The following ECT2 variants were observed in gnomAD, a reference collection of about 807,000 sequenced individuals.
The protein encoded by ECT2 is epithelial cell transforming 2.
Under a neutral mutation model 116.9 loss-of-function variants are expected in ECT2, and 61 were observed. That is an observed-to-expected ratio of 0.52 (90% CI 0.42 to 0.65). The LOEUF is 0.65. Ranked by LOEUF, ECT2 falls within the 30% of genes least tolerant of loss-of-function variation. The pLI is 0.00. For synonymous variants in ECT2, 358 were observed against 346.4 expected (o/e 1.03, Z -0.37); for missense variants, 937 against 1,078.7 (o/e 0.87, Z 1.84).
intron 6 of ECT2, 121 bp downstream of exon 6, chr3:172,759,190 G>A (rs1717713384): frequency 1.6e-5 from 10 of 634,400 alleles, no homozygotes; most frequent in Middle Eastern, 9.1e-4. Context: ...ACTTATTATG[G>A]CTATACCAGA....
chr3:172,769,314 G>C (rs1299739967), intron 13 of ECT2, among the ~76,000 whole-genome samples, 171 bp downstream of exon 13: 1 of 152,096 alleles, frequency 6.6e-6, no homozygotes, highest in Non-Finnish European at 1.5e-5. Flanking sequence ...CATAACTGTA[G>C]TATTACCTTT....
intron 18 of ECT2, among the ~76,000 whole-genome samples, chr3:172,800,053 C>T (rs1489224423): frequency 6.6e-6 from 1 of 152,120 alleles, no homozygotes; most frequent in Non-Finnish European, 1.5e-5. Flanking sequence ...TTTGTCCAGG[C>T]CTTGAGGGAC....
intron 22 of ECT2, among the ~76,000 whole-genome samples, chr3:172,808,355 C>T (rs926039272): frequency 2.7e-5 from 4 of 148,066 alleles, no homozygotes; most frequent in Non-Finnish European, 3.0e-5. Context: ...GGATTACAGG[C>T]GTGAGCCACC....
intron 14 of ECT2, among the ~76,000 whole-genome samples, chr3:172,777,012 C>T (rs925576138): frequency 6.6e-6 from 1 of 151,950 alleles, no homozygotes; most frequent in Admixed American, 6.6e-5. Flanking sequence ...GTAGCTGGGA[C>T]AGGTGTGCGC....
At chr3:172,760,668 T>C (rs1718076524) in intron 7 of ECT2, among the ~76,000 whole-genome samples, 1 of 150,726 alleles carries the variant, frequency 6.6e-6, no homozygotes, top group Non-Finnish European at 1.5e-5. Flanking sequence ...ATGAATAACA[T>C]TGTAGGAATT....
intron 12 of ECT2, 113 bp from the exon 13 acceptor site, chr3:172,768,894 G>A (rs1720058732): frequency 8.2e-7 from 1 of 1,215,620 alleles, no homozygotes; most frequent in East Asian, 2.6e-5. Context: ...AAATCTGTAT[G>A]GTGGTACATT....
intron 15 of ECT2, 41 bp downstream of exon 15, chr3:172,782,272 A>G (rs1576933641): frequency 7.9e-7 from 1 of 1,263,478 alleles, no homozygotes; most frequent in Non-Finnish European, 1.1e-6. Context: ...AGATTAAAAT[A>G]TGATCTCATC....
rs749696220 is a variant in ECT2, at chr3:172,755,278, A to C, written c.131-17A>C. On this transcript the variant is annotated splice_polypyrimidine_tract_variant and intron_variant, in intron 2 of 24. Transcript: ENST00000392692. ...GTTAATACATGATAAACATTGAAAC[A>C]TTTTACATTTTAACAGAAGAGATGC... The C allele has an allele frequency of 8.2e-6, 13 of 1,584,514 alleles. No individual in the cohort carries two copies. The highest frequency in any genetic ancestry group is 1.1e-5 in the Non-Finnish European group (13 of 1,169,652).
chr3:172,828,874 G>C, the ECT2 span: 2 of 1,269,338 alleles, frequency 1.6e-6, no homozygotes, highest in Non-Finnish European at 2.2e-6. Flanking sequence ...TGAGAGACGG[G>C]TTCCTGGCAT....
intron 22 of ECT2, among the ~76,000 whole-genome samples, chr3:172,812,818 G>A (rs1729012447): frequency 6.6e-6 from 1 of 152,060 alleles, no homozygotes; most frequent in South Asian, 2.1e-4. Flanking sequence ...GTATATATCT[G>A]TTGATTGAAT....
intron 24 of ECT2, chr3:172,818,934 C>A: frequency 1.3e-6 from 1 of 763,668 alleles, no homozygotes; most frequent in Non-Finnish European, 1.7e-6. Context: ...GTTATGACTG[C>A]TTTGAATTAA....
intron 12 of ECT2, among the ~76,000 whole-genome samples, chr3:172,767,732 T>C (rs1023577730): frequency 6.6e-6 from 1 of 151,936 alleles, no homozygotes; most frequent in Non-Finnish European, 1.5e-5. Context: ...AGATTTTTTT[T>C]TTGAGACGGA....
intron 20 of ECT2, 42 bp from the exon 21 acceptor site, chr3:172,805,685 TTTTC>T: frequency 1.9e-6 from 3 of 1,585,394 alleles, no homozygotes; most frequent in East Asian, 2.2e-5. Context: ...ATTTGGTCCT[TTTTC>T]TTCATTTTAT....
chr3:172,800,393 T>C (rs1726500736), intron 18 of ECT2, among the ~76,000 whole-genome samples: 2 of 152,164 alleles, frequency 1.3e-5, no homozygotes, highest in African/African-American at 4.8e-5. Context: ...TCCCCAAAAC[T>C]TTACTAGTGT....
intron 14 of ECT2, among the ~76,000 whole-genome samples, chr3:172,779,318 A>G (rs1722294737): frequency 6.6e-6 from 1 of 152,172 alleles, no homozygotes; most frequent in South Asian, 2.1e-4. Context: ...ATTTCTGAAC[A>G]GTTCAATCTT....
At chr3:172,764,786 T>C (rs1719007924) in intron 12 of ECT2, among the ~76,000 whole-genome samples, 2 of 152,244 alleles carry the variant, frequency 1.3e-5, no homozygotes, top group South Asian at 4.1e-4. Flanking sequence ...AAGTAATTTC[T>C]CCAGGGTCAT....
In ECT2 at chr3:172,779,800, G is replaced by A. The variant is rs569444339; in HGVS notation, c.1549-2363G>A. ...GCCAGTAGTCCCAGCTACTTGGGAA[G>A]CTTAGGTGGGAGGATTGCTTGAGCT... On this transcript the variant is annotated intron_variant, in intron 14 of 24. Coordinates refer to ENST00000392692, the MANE Select transcript of ECT2 (RefSeq NM_001258315.2). Among the ~76,000 whole-genome samples, 8 of 152,104 alleles carry A rather than the reference G, an allele frequency of 5.3e-5. No individual in the cohort carries two copies. In the East Asian group the frequency reaches 1.5e-3, roughly 29 times the overall value.
At chr3:172,828,312 G>A in the ECT2 span, among the ~76,000 whole-genome samples, 10 of 144,780 alleles carry the variant, frequency 6.9e-5, no homozygotes, top group Admixed American at 4.8e-4. Context: ...ATTCAAATAA[G>A]GCAAATAAAA....
intron 17 of ECT2, among the ~76,000 whole-genome samples, chr3:172,785,103 T>G (rs1470620688): frequency 6.6e-6 from 1 of 152,162 alleles, no homozygotes; most frequent in Non-Finnish European, 1.5e-5. Context: ...ACATACAAAA[T>G]TTGCCCACAA....
Sources: gnomAD v4.1 joint callset for allele counts (sites outside exome capture counted in the v4.1 genomes callset) on GRCh38, gnomAD v4.1.1 for gene constraint, MANE v1.5 for transcripts, NCBI Gene and HGNC (gene_info 2026-07-23, HGNC 2026-07-21) for gene names.